The following GPC6 variants were observed in gnomAD, a reference collection of about 807,000 sequenced individuals.
GPC6 encodes glypican-6.
In GPC6, 14 loss-of-function variants were observed where a neutral mutation model predicts 55.2. The observed-to-expected ratio is 0.25, with a 90% CI of 0.17 to 0.40. The LOEUF (loss-of-function observed/expected upper bound fraction) is 0.40, where lower values mean the gene tolerates loss of function less well. GPC6 is among the 10% of genes least tolerant of loss of function. The pLI, the probability that GPC6 is intolerant of heterozygous loss-of-function variation, is 1.00. For missense variants in GPC6, 641 were observed against 708.5 expected, an observed-to-expected ratio of 0.90 and a Z score of 1.08; for synonymous variants, 278 against 259.6, an observed-to-expected ratio of 1.07 and a Z score of -0.68.
intron 2 of GPC6, among the ~76,000 whole-genome samples, chr13:93,545,939 A>G (rs529172698): frequency 6.6e-6 from 1 of 152,298 alleles, no homozygotes; most frequent in Non-Finnish European, 1.5e-5. Flanking sequence ...CCCTCTTTTG[A>G]TATCCTGATT....
chr13:94,308,911 A>G (rs1876094866), intron 6 of GPC6, among the ~76,000 whole-genome samples: 1 of 152,220 alleles, frequency 6.6e-6, no homozygotes, highest in African/African-American at 2.4e-5. Context: ...TATAGCTCTG[A>G]ACACTGGAAA....
chr13:93,808,617 C>T (rs1234529359), intron 2 of GPC6, among the ~76,000 whole-genome samples: 1 of 152,186 alleles, frequency 6.6e-6, no homozygotes, highest in Non-Finnish European at 1.5e-5. Flanking sequence ...AGACTTTGAA[C>T]TTACATATTG....
chr13:93,901,913 A>AC (rs931253041), intron 3 of GPC6, among the ~76,000 whole-genome samples: 12 of 151,788 alleles, frequency 7.9e-5, no homozygotes, highest in East Asian at 7.8e-4. Context: ...AAAAAAAAAA[A>AC]AAAAACTTTT....
chr13:93,308,466 G>C (rs1167329017), intron 1 of GPC6, among the ~76,000 whole-genome samples: 1 of 152,182 alleles, frequency 6.6e-6, no homozygotes, highest in Non-Finnish European at 1.5e-5. Flanking sequence ...TTTAGAGATT[G>C]AGTCTGGCTC....
intron 2 of GPC6, among the ~76,000 whole-genome samples, chr13:93,559,287 T>C (rs1257381768): frequency 6.6e-6 from 1 of 152,204 alleles, no homozygotes; most frequent in Admixed American, 6.5e-5. Flanking sequence ...AAGGCAAATG[T>C]CTATTGAAAT....
At chr13:93,834,527 A>C (rs1177257217) in intron 3 of GPC6, among the ~76,000 whole-genome samples, 1 of 152,190 alleles carries the variant, frequency 6.6e-6, no homozygotes, top group Non-Finnish European at 1.5e-5. Context: ...ACATAGAGAT[A>C]TCTAAAGTTA....
At chr13:93,464,287 T>C (rs1329922628) in intron 1 of GPC6, among the ~76,000 whole-genome samples, 1 of 152,310 alleles carries the variant, frequency 6.6e-6, no homozygotes, top group East Asian at 1.9e-4. Context: ...TTTGTTGCAT[T>C]GATTGGCTCT....
chr13:93,259,042 G>A (rs745624734), intron 1 of GPC6, among the ~76,000 whole-genome samples: 1 of 152,176 alleles, frequency 6.6e-6, no homozygotes, highest in Non-Finnish European at 1.5e-5. Context: ...ATGCAAATGA[G>A]TACAAAGACT....
chr13:93,628,850 G>A (rs1006290875), intron 2 of GPC6, among the ~76,000 whole-genome samples: 9 of 152,186 alleles, frequency 5.9e-5, no homozygotes, highest in African/African-American at 2.2e-4. Flanking sequence ...TTACTAAAAA[G>A]TATGGAAACA....
At chr13:93,916,372 T>C (rs1420560475) in intron 3 of GPC6, among the ~76,000 whole-genome samples, 4 of 152,140 alleles carry the variant, frequency 2.6e-5, no homozygotes, top group Admixed American at 2.6e-4. Flanking sequence ...AGGGTAGTAG[T>C]GGCCACCTTT....
chr13:94,085,253 C>T (rs902242638), intron 4 of GPC6, among the ~76,000 whole-genome samples: 7 of 123,604 alleles, frequency 5.7e-5, no homozygotes, highest in Non-Finnish European at 7.9e-5. Flanking sequence ...ACCCAGGAGG[C>T]GGAGGTTGCA....
At chr13:93,629,432 G>C (rs563193883) in intron 2 of GPC6, among the ~76,000 whole-genome samples, 5 of 152,068 alleles carry the variant, frequency 3.3e-5, no homozygotes, top group Admixed American at 3.3e-4. Context: ...TTATTCAGAG[G>C]ATACTCAGAC....
intron 1 of GPC6, among the ~76,000 whole-genome samples, chr13:93,231,409 ATATATATATATATACG>A (rs1876050173): frequency 2.7e-5 from 1 of 36,854 alleles, no homozygotes; most frequent in Non-Finnish European, 5.0e-5. Flanking sequence ...ATATATATAT[ATATATATATATATACG>A]TATATATATA....
intron 1 of GPC6, among the ~76,000 whole-genome samples, chr13:93,408,279 A>G (rs1171923868): frequency 3.3e-5 from 5 of 152,190 alleles, no homozygotes; most frequent in Admixed American, 3.3e-4. Flanking sequence ...ACAGATCTTT[A>G]TAGAGAAGGC....
At chr13:94,184,142 AT>A (rs1889092436) in intron 4 of GPC6, among the ~76,000 whole-genome samples, 1 of 152,168 alleles carries the variant, frequency 6.6e-6, no homozygotes, top group African/African-American at 2.4e-5. Flanking sequence ...TGGATTAAAG[AT>A]TTAAGTGTAA....
At chr13:93,881,353 T>A (rs1163470429) in intron 3 of GPC6, among the ~76,000 whole-genome samples, 1 of 152,150 alleles carries the variant, frequency 6.6e-6, no homozygotes, top group Admixed American at 6.6e-5. Context: ...CTTGCAGACG[T>A]AATGAGTAGC....
chr13:94,116,239 C>A (rs1404038525), intron 4 of GPC6, among the ~76,000 whole-genome samples: 1 of 151,960 alleles, frequency 6.6e-6, no homozygotes, highest in Non-Finnish European at 1.5e-5. Context: ...TACAGCACCC[C>A]CATTTACCAT....
At chr13:93,675,964 C>T (rs1881570493) in intron 2 of GPC6, among the ~76,000 whole-genome samples, 2 of 151,512 alleles carry the variant, frequency 1.3e-5, no homozygotes, top group Non-Finnish European at 2.9e-5. Flanking sequence ...AAGATTTGAA[C>T]TGGGCTTTAA....
chr13:93,827,048 A>G (rs1002819714), intron 2 of GPC6, among the ~76,000 whole-genome samples: 6 of 152,198 alleles, frequency 3.9e-5, no homozygotes, highest in Non-Finnish European at 5.9e-5. Context: ...CTGAGCCCTG[A>G]GCAACCAACT....
Sources: gnomAD v4.1 joint callset for allele counts (sites outside exome capture counted in the v4.1 genomes callset) on GRCh38, gnomAD v4.1.1 for gene constraint, MANE v1.5 for transcripts, NCBI Gene and HGNC (gene_info 2026-07-23, HGNC 2026-07-21) for gene names.